The following PERP variants were observed in gnomAD, a reference collection of about 807,000 sequenced individuals.
PERP encodes the protein p53 apoptosis effector related to PMP22.
A neutral mutation model predicts 20.3 loss-of-function variants in PERP; 11 were observed. That is an observed-to-expected ratio of 0.54 (90% CI 0.34 to 0.90). The LOEUF is 0.90. Ranked by LOEUF, PERP falls within the 40% of genes least tolerant of loss-of-function variation. The pLI is 0.02. For missense variants in PERP, 224 were observed against 249.4 expected, an observed-to-expected ratio of 0.90 and a Z score of 0.69; for synonymous variants, 101 against 102.0, an observed-to-expected ratio of 0.99 and a Z score of 0.06.
chr6:138,092,273 A>C lies in PERP; in HGVS notation c.356-5T>G. 4 of 1,610,022 alleles carry C rather than the reference A, an allele frequency of 2.5e-6. No individual in the cohort carries two copies. The highest frequency in any genetic ancestry group is 3.4e-6 in the Non-Finnish European group (4 of 1,176,438). Reference sequence around the variant, plus strand: ...GGGAGATGATCTGGAACACAGCTAAAGGGAAGAAAAAAATCCCAGGGTATG... The same window carrying C: ...GGGAGATGATCTGGAACACAGCTAACGGGAAGAAAAAAATCCCAGGGTATG... On this transcript the variant is annotated splice_polypyrimidine_tract_variant and splice_region_variant and intron_variant, in intron 2 of 2. Transcript: ENST00000421351.
intron 2 of PERP, among the ~76,000 whole-genome samples, chr6:138,093,821 G>T (rs1198806834): frequency 6.6e-6 from 1 of 151,994 alleles, no homozygotes; most frequent in Non-Finnish European, 1.5e-5. Flanking sequence ...AAGTCAAATA[G>T]GCCTTATTCA....
chr6:138,096,132 C>G (rs1180726939), intron 2 of PERP, among the ~76,000 whole-genome samples: 1 of 152,148 alleles, frequency 6.6e-6, no homozygotes, highest in African/African-American at 2.4e-5. Context: ...GTGACAATCC[C>G]TGTCACTCGG....
intron 1 of PERP, among the ~76,000 whole-genome samples, chr6:138,101,252 C>T (rs1210543515): frequency 6.6e-6 from 1 of 152,034 alleles, no homozygotes; most frequent in Non-Finnish European, 1.5e-5. Flanking sequence ...CGCCTGTAGT[C>T]CCAGCTATTC....
intron 2 of PERP, among the ~76,000 whole-genome samples, chr6:138,093,017 T>C (rs1454338434): frequency 6.6e-6 from 1 of 152,200 alleles, no homozygotes; most frequent in Admixed American, 6.5e-5. Context: ...CTCTCTGGCA[T>C]AATAGTCACA....
chr6:138,096,174 A>G (rs936743715), intron 2 of PERP, among the ~76,000 whole-genome samples, 180 bp downstream of exon 2: 2 of 152,222 alleles, frequency 1.3e-5, no homozygotes, highest in Non-Finnish European at 2.9e-5. Flanking sequence ...GTGAGCCACA[A>G]GAGGAAAGGG....
At chr6:138,096,264 A>G (rs1775689711) in intron 2 of PERP, 90 bp downstream of exon 2, 11 of 1,460,932 alleles carry the variant, frequency 7.5e-6, no homozygotes, top group Non-Finnish European at 1.0e-5. Context: ...AGAAACTGTA[A>G]CAGTCACGGG....
chr6:138,102,600 C>T (rs1011291640), intron 1 of PERP, among the ~76,000 whole-genome samples: 1 of 152,088 alleles, frequency 6.6e-6, no homozygotes, highest in African/African-American at 2.4e-5. Context: ...TTAGGGGACA[C>T]TGAGAAAGGA....
At chr6:138,099,466 A>T (rs1410679902) in intron 1 of PERP, among the ~76,000 whole-genome samples, 1 of 152,208 alleles carries the variant, frequency 6.6e-6, no homozygotes, top group Admixed American at 6.5e-5. Flanking sequence ...AAGGAAACAT[A>T]TCTATATATG....
chr6:138,091,541 G>C lies in PERP; in HGVS notation c.*501C>G, dbSNP rs1775582559. On this transcript the variant is annotated 3_prime_UTR_variant, in exon 3 of 3. Transcript: ENST00000421351. ...TGATATGCATTTAGGAAATGATTTT[G>C]CTTTCCTTAAATAGTTCGAAGGCTT... 6.6e-6 allele frequency: 1 copy of C among 152,542 alleles called. No homozygotes were observed. Among genetic ancestry groups the C allele is most frequent in the Non-Finnish European group, 1.5e-5 (1 of 68,324 alleles). 9.4% of individuals were successfully genotyped at this position (152,542 alleles called of 1,614,324 possible).
chr6:138,091,512 C>A lies in PERP; in HGVS notation c.*530G>T, dbSNP rs1362144224. 1 of 152,488 alleles carries A rather than the reference C, an allele frequency of 6.6e-6. No individual in the cohort carries two copies. The highest frequency in any genetic ancestry group is 1.9e-4 in the East Asian group (1 of 5,192). The allele number at this position is 152,488 out of a possible 1,614,324, so 9.4% of individuals were successfully genotyped here. ...TCAGGATATTAATGAGAAATTCTCA[C>A]AAATGATATGCATTTAGGAAATGAT... On this transcript the variant is annotated 3_prime_UTR_variant, in exon 3 of 3. Coordinates refer to ENST00000421351, the MANE Select transcript of PERP (RefSeq NM_022121.5).
In PERP at chr6:138,107,103, ACGG is replaced by A. The variant is rs746907383; in HGVS notation, c.214+21_214+23del. ...CCCCGAGGGCTTCCTGGAGGCGGCG[ACGG>A]CGGCGGCGGCGGGCACTCACCGTAC... On this transcript the variant is annotated intron_variant, in intron 1 of 2. Transcript: ENST00000421351. This position sits in a 1 kb window ranked among gnomAD's most constrained non-coding sequence, Gnocchi z 4.8. 4.4e-4 allele frequency: 687 copies of A among 1,558,496 alleles called. No individual in the cohort carries two copies. The highest frequency in any genetic ancestry group is 9.1e-4 in the Admixed American group (50 of 54,740).
chr6:138,103,030 C>T (rs1367654763), intron 1 of PERP, among the ~76,000 whole-genome samples: 1 of 150,050 alleles, frequency 6.7e-6, no homozygotes, highest in African/African-American at 2.5e-5. Flanking sequence ...ACCCGGGAGG[C>T]GGAGCTTGCA....
In PERP at chr6:138,090,487, A is replaced by C. The variant is rs542860525; in HGVS notation, c.*1555T>G. ...GCACACATGTCCCCCGGGTGTCTGA[A>C]CCTGCCAGAAATCTCTTAGTCCATT... is the stretch of plus-strand genomic sequence containing the variant. On this transcript the variant is annotated 3_prime_UTR_variant, in exon 3 of 3. Coordinates refer to ENST00000421351, the MANE Select transcript of PERP (RefSeq NM_022121.5). The C allele has an allele frequency of 6.6e-6, 1 of 152,312 alleles. No homozygotes were observed. The highest frequency in any genetic ancestry group is 2.4e-5 in the African/African-American group (1 of 41,568). 9.4% of individuals were successfully genotyped at this position (152,312 alleles called of 1,614,324 possible).
chr6:138,100,913 C>A (rs1189883708), intron 1 of PERP, among the ~76,000 whole-genome samples: 2 of 152,170 alleles, frequency 1.3e-5, no homozygotes, highest in African/African-American at 4.8e-5. Flanking sequence ...TTAACGATCA[C>A]CAACAAAACT....
At chr6:138,102,742 G>T (rs952335248) in intron 1 of PERP, among the ~76,000 whole-genome samples, 3 of 152,142 alleles carry the variant, frequency 2.0e-5, no homozygotes, top group African/African-American at 7.2e-5. Context: ...TAAATCAATA[G>T]AGTGGCCAAC....
rs1775858426 is a variant in PERP at position 138,107,203 on chromosome 6, C to A, written c.138G>T (p.Ser46=). ...CCTCTTGGGAGCATTTCCACCACAG[C>A]GAGGACGTCTGGCCGTGGTCGCTAG... is the stretch of plus-strand genomic sequence containing the variant. ...LQSSDHGQTS[S]LWWKCSQEGG... is the part of the protein sequence containing the mutation. The change falls in exon 1 of 3, where the codon TCG becomes TCT. Residue 46 remains serine, a synonymous_variant. Transcript: ENST00000421351. The surrounding 1 kb of genome is among the most constrained non-coding windows in gnomAD (Gnocchi z 4.8). 2 of 1,612,424 alleles carry A rather than the reference C, an allele frequency of 1.2e-6. No individual in the cohort carries two copies. Among genetic ancestry groups the A allele is most frequent in the Non-Finnish European group, 8.5e-7 (1 of 1,179,656 alleles).
At chr6:138,092,343 T>A in intron 2 of PERP, 75 bp from the exon 3 acceptor site, 1 of 1,258,168 alleles carries the variant, frequency 7.9e-7, no homozygotes, top group South Asian at 1.4e-5. Flanking sequence ...AGCGACAGAT[T>A]ACCTCCTTCC....
chr6:138,107,387 G>T lies in PERP; in HGVS notation c.-47C>A. Reference sequence around the variant, plus strand: ...GAGCGGAGCGGAGCGGAGCGGGTCGGAGGAGCGCGCGGGACGGGCGACAGC... The same window carrying T: ...GAGCGGAGCGGAGCGGAGCGGGTCGTAGGAGCGCGCGGGACGGGCGACAGC... On this transcript the variant is annotated 5_prime_UTR_variant, in exon 1 of 3. Coordinates refer to ENST00000421351, the MANE Select transcript of PERP (RefSeq NM_022121.5). This position sits in a 1 kb window ranked among gnomAD's most constrained non-coding sequence, Gnocchi z 4.8. 1.2e-5 allele frequency: 17 copies of T among 1,422,252 alleles called. No individual in the cohort carries two copies. The highest frequency in any genetic ancestry group is 1.6e-5 in the Non-Finnish European group (17 of 1,087,856). The allele number at this position is 1,422,252 out of a possible 1,614,324, so 88.1% of individuals were successfully genotyped here.
At chr6:138,098,387 T>C (rs1287791450) in intron 1 of PERP, among the ~76,000 whole-genome samples, 1 of 152,166 alleles carries the variant, frequency 6.6e-6, no homozygotes, top group Non-Finnish European at 1.5e-5. Context: ...CTGCCCCTGT[T>C]GGCCATACTC....
Sources: allele counts gnomAD v4.1 joint callset (sites outside exome capture counted in the v4.1 genomes callset), GRCh38; gene constraint gnomAD v4.1.1; non-coding constraint Gnocchi (gnomAD v3.1); transcripts MANE v1.5; gene names NCBI Gene and HGNC (gene_info 2026-07-23, HGNC 2026-07-21).